The following HIP1 variants were observed in gnomAD, a reference collection of about 807,000 sequenced individuals.
HIP1 encodes huntingtin interacting protein 1, also known as huntingtin-interacting protein 1.
Under a neutral mutation model 147.6 loss-of-function variants are expected in HIP1, and 65 were observed. That is an observed-to-expected ratio of 0.44 (90% CI 0.36 to 0.54). The LOEUF is 0.54. HIP1 is among the 20% of genes least tolerant of loss of function. HIP1 has a pLI of 0.00. For missense variants in HIP1, 1,061 were observed against 1,299.6 expected, an observed-to-expected ratio of 0.82 and a Z score of 2.82; for synonymous variants, 479 against 504.0, an observed-to-expected ratio of 0.95 and a Z score of 0.67.
intron 1 of HIP1, among the ~76,000 whole-genome samples, chr7:75,664,884 G>C (rs1488003595): frequency 1.3e-5 from 2 of 152,142 alleles, no homozygotes; most frequent in African/African-American, 4.8e-5. Flanking sequence ...GCCTCCCAAA[G>C]TGCTGGGATT....
chr7:75,534,561 G>A lies in HIP1; in HGVS notation c.*3611C>T. ...TGATTCTCCTGCCTCAGCCTCCCCA[G>A]TAGCTGGGATTATAGGCGCCTGCCA... On this transcript the variant is annotated 3_prime_UTR_variant, in exon 31 of 31. Transcript: ENST00000336926. 5.7e-6 allele frequency: 1 copy of A among 176,178 alleles called. No individual in the cohort carries two copies. The highest frequency in any genetic ancestry group is 1.2e-5 in the Non-Finnish European group (1 of 81,926). The allele number at this position is 176,178 out of a possible 1,614,324, so 10.9% of individuals were successfully genotyped here.
chr7:75,554,652 G>A, intron 19 of HIP1, 126 bp from the exon 20 acceptor site: 3 of 655,256 alleles, frequency 4.6e-6, no homozygotes, highest in South Asian at 1.7e-5. Flanking sequence ...TGAAGTTCAT[G>A]AGTAATCACC....
chr7:75,608,579 T>C (rs1797313619), intron 1 of HIP1, among the ~76,000 whole-genome samples: 1 of 152,178 alleles, frequency 6.6e-6, no homozygotes, highest in Non-Finnish European at 1.5e-5. Flanking sequence ...GAAGAAAATT[T>C]AGAGAAATAT....
intron 1 of HIP1, among the ~76,000 whole-genome samples, chr7:75,667,234 C>A (rs939129839): frequency 4.6e-5 from 7 of 151,970 alleles, no homozygotes; most frequent in Non-Finnish European, 1.0e-4. Flanking sequence ...TGGCAACATA[C>A]CCTGAGAATT....
chr7:75,694,620 C>T (rs1800576221), intron 1 of HIP1, among the ~76,000 whole-genome samples: 2 of 150,824 alleles, frequency 1.3e-5, no homozygotes, highest in African/African-American at 4.9e-5. Context: ...CAGCAATCCT[C>T]CCACCTGAGG....
chr7:75,692,587 A>ATTT (rs71082340), intron 1 of HIP1, among the ~76,000 whole-genome samples: 4 of 143,042 alleles, frequency 2.8e-5, no homozygotes, highest in African/African-American at 5.2e-5. Flanking sequence ...CGCCTGGCCA[A>ATTT]TTTTTTTTTT....
At chr7:75,672,199 T>G (rs1554515408) in intron 1 of HIP1, among the ~76,000 whole-genome samples, 1 of 152,224 alleles carries the variant, frequency 6.6e-6, no homozygotes, top group Non-Finnish European at 1.5e-5. Flanking sequence ...TTGCCTATTT[T>G]TGAACTGAAT....
chr7:75,660,108 G>A (rs1799264957), intron 1 of HIP1, among the ~76,000 whole-genome samples: 1 of 150,458 alleles, frequency 6.6e-6, no homozygotes, highest in Admixed American at 6.7e-5. Context: ...CCTGGCAACA[G>A]AGCAAGACTC....
intron 1 of HIP1, among the ~76,000 whole-genome samples, chr7:75,681,181 G>A (rs369266948): frequency 6.6e-6 from 1 of 151,988 alleles, no homozygotes; most frequent in East Asian, 1.9e-4. Flanking sequence ...TCAAAGTGCT[G>A]GGATTACGGG....
intron 1 of HIP1, among the ~76,000 whole-genome samples, chr7:75,702,116 CTT>C (rs782732097): frequency 2.2e-5 from 3 of 136,102 alleles, no homozygotes. Context: ...TTTTTTCTTT[CTT>C]TTTTTTTTTT....
intron 1 of HIP1, 41 bp downstream of exon 1, chr7:75,738,760 T>C: frequency 6.3e-7 from 1 of 1,586,628 alleles, no homozygotes; most frequent in Non-Finnish European, 8.6e-7. Flanking sequence ...ACCGCGTCCC[T>C]CAGGGTGCCC....
chr7:75,594,486 T>G (rs1554501457), intron 2 of HIP1, among the ~76,000 whole-genome samples: 2 of 152,114 alleles, frequency 1.3e-5, no homozygotes, highest in African/African-American at 4.8e-5. Flanking sequence ...GTAATAAATG[T>G]CCATCAGGGT....
At chr7:75,656,123 GA>G (rs1265436724) in intron 1 of HIP1, among the ~76,000 whole-genome samples, 2 of 150,584 alleles carry the variant, frequency 1.3e-5, no homozygotes, top group Admixed American at 6.6e-5. Flanking sequence ...GTCTCAAAAA[GA>G]AAAAAAATAA....
intron 20 of HIP1, 26 bp downstream of exon 20, chr7:75,554,414 C>T: frequency 6.3e-7 from 1 of 1,589,752 alleles, no homozygotes; most frequent in Non-Finnish European, 8.6e-7. Context: ...CACTAGCCGA[C>T]AGAGACTGTC....
chr7:75,563,245 G>A lies in HIP1; in HGVS notation c.822C>T (p.Tyr274=). Residue 274 remains tyrosine (Y), a synonymous_variant, in exon 10 of 31, where the codon TAC becomes TAT. Transcript: ENST00000336926. The part of the protein sequence containing the change: ...EQFTKLKDLF[Y]RSSNLQYFKR... The stretch of plus-strand genomic sequence containing the variant: ...TGAAGTACTGCAGGTTGCTGGAGCG[G>A]TAGAACAGATCTTTCAACCTAGGGG... The A allele has an allele frequency of 6.2e-7, 1 of 1,614,230 alleles. No homozygotes were observed. The highest frequency in any genetic ancestry group is 8.5e-7 in the Non-Finnish European group (1 of 1,180,040).
At chr7:75,683,116 G>A (rs1388569999) in intron 1 of HIP1, among the ~76,000 whole-genome samples, 1 of 151,968 alleles carries the variant, frequency 6.6e-6, no homozygotes, top group Non-Finnish European at 1.5e-5. Context: ...CGAGCAGCTG[G>A]GACTACAGGC....
At chr7:75,709,218 T>C (rs1801093186) in intron 1 of HIP1, among the ~76,000 whole-genome samples, 1 of 151,752 alleles carries the variant, frequency 6.6e-6, no homozygotes, top group African/African-American at 2.4e-5. Flanking sequence ...GTTCAAGCGA[T>C]TCCCCTGCCT....
intron 2 of HIP1, among the ~76,000 whole-genome samples, chr7:75,595,962 G>A (rs1796726466): frequency 6.6e-6 from 1 of 152,144 alleles, no homozygotes; most frequent in South Asian, 2.1e-4. Flanking sequence ...AATGCGCTGG[G>A]CATGGTGGCT....
chr7:75,696,450 TA>T (rs1800635865), intron 1 of HIP1, among the ~76,000 whole-genome samples: 1 of 151,942 alleles, frequency 6.6e-6, no homozygotes, highest in Non-Finnish European at 1.5e-5. Flanking sequence ...CTACTTTAGC[TA>T]AAGCCCTTTC....
Sources: allele counts gnomAD v4.1 joint callset (sites outside exome capture counted in the v4.1 genomes callset), GRCh38; gene constraint gnomAD v4.1.1; transcripts MANE v1.5; gene names NCBI Gene and HGNC (gene_info 2026-07-23, HGNC 2026-07-21).